The following CWH43 variants were observed in gnomAD, a reference collection of about 807,000 sequenced individuals.
CWH43 encodes the protein PGAP2-interacting protein.
Under a neutral mutation model 85.7 loss-of-function variants are expected in CWH43, and 91 were observed. That is an observed-to-expected ratio of 1.06 (90% CI 0.90 to 1.26). The LOEUF (loss-of-function observed/expected upper bound fraction) is 1.26. Among genes scored for constraint, CWH43 ranks in the 50% most tolerant of loss-of-function variants. CWH43 has a pLI of 0.00. For synonymous variants in CWH43, 323 were observed against 293.6 expected (o/e 1.10, Z -1.02); for missense variants, 869 against 839.2 (o/e 1.04, Z -0.44).
chr4:49,056,004 C>T (rs549598352), intron 15 of CWH43, among the ~76,000 whole-genome samples: 3,173 of 146,588 alleles, frequency 0.022, 59 homozygotes, highest in Non-Finnish European at 0.031. Context: ...CATGCTGGTG[C>T]GCTGCACCCA....
rs1553916937 is a variant in CWH43 at position 49,039,320 on chromosome 4, T to TATATATATACTG, written c.1803+1149_1803+1150insCTGATATATATA. Among the ~76,000 whole-genome samples the TATATATATACTG allele has an allele frequency of 1.1e-3, 33 of 30,236 alleles. 9 individuals carry two copies. In the South Asian group the frequency reaches 0.017, roughly 15 times the overall value. 19.8% of individuals were successfully genotyped at this position (30,236 alleles called of 152,430 possible). A position where few individuals can be genotyped will look rare whatever the true frequency, so the allele number is the denominator to read the frequency against. ...CTCAGGAGACTGATATATATATATA[T>TATATATATACTG]ATATATATATATACTGATGTATATA... is the stretch of plus-strand genomic sequence containing the variant. On this transcript the variant is annotated intron_variant, in intron 13 of 15. Transcript: ENST00000226432.
chr4:48,986,775 C>T, intron 1 of CWH43: 4 of 1,238,814 alleles, frequency 3.2e-6, no homozygotes, highest in Non-Finnish European at 4.1e-6. Context: ...GGCCTTGACC[C>T]CGCGCGGCCG....
rs866271141 is a variant in CWH43 at position 49,039,308 on chromosome 4, T to G, written c.1803+1128T>G. On this transcript the variant is annotated intron_variant, in intron 13 of 15. Transcript: ENST00000226432. ...ACAAATCAAATTCTCAGGAGACTGA[T>G]ATATATATATATATATATATATATA... 8.6e-4 allele frequency among the ~76,000 whole-genome samples: 21 copies of G among 24,344 alleles called. 1 individual carries two copies. The highest frequency in any genetic ancestry group is 1.6e-3 in the African/African-American group (19 of 11,648). 16.0% of individuals were successfully genotyped at this position (24,344 alleles called of 152,430 possible). A position where few individuals can be genotyped will look rare whatever the true frequency, so the allele number is the denominator to read the frequency against.
Position 48,986,700 on chromosome 4 carries a change from C to A in CWH43, c.43+228C>A, listed in dbSNP as rs1433253496. ...GAGTCTGCGAGGCGCCCGCGAGAGA[C>A]CCCGTCGCCCGAGTTCCCAGCAGCC... On this transcript the variant is annotated intron_variant, in intron 1 of 15. Transcript: ENST00000226432. 15 of 1,352,696 alleles carry A rather than the reference C, an allele frequency of 1.1e-5. No homozygotes were observed. The South Asian group carries it at 1.6e-4, about 15-fold the overall frequency. The allele number at this position is 1,352,696 out of a possible 1,614,324, so 83.8% of individuals were successfully genotyped here.
chr4:48,998,561 T>A lies in CWH43; in HGVS notation c.802+13T>A. On this transcript the variant is annotated intron_variant, in intron 6 of 15. Coordinates refer to ENST00000226432, the MANE Select transcript of CWH43 (RefSeq NM_025087.3). ...TGGTGGGTTACAGGTATGTGGAATT[T>A]ACCTGCAGATAGAACACGACTGAGC... is the stretch of plus-strand genomic sequence containing the variant. 6.3e-7 allele frequency: 1 copy of A among 1,580,624 alleles called. No individual in the cohort carries two copies. The highest frequency in any genetic ancestry group is 8.7e-7 in the Non-Finnish European group (1 of 1,149,514).
chr4:48,988,387 G>A (rs1782554712), intron 1 of CWH43, 90 bp from the exon 2 acceptor site: 2 of 995,320 alleles, frequency 2.0e-6, no homozygotes, highest in Non-Finnish European at 2.9e-6. Flanking sequence ...AGAATGACCA[G>A]CCCAAGCGGC....
At chr4:49,040,842 G>T (rs1219960687) in intron 13 of CWH43, among the ~76,000 whole-genome samples, 1 of 152,162 alleles carries the variant, frequency 6.6e-6, no homozygotes, top group Non-Finnish European at 1.5e-5. Context: ...GAATGGTATT[G>T]CCTAGGTTTT....
In CWH43 at chr4:48,998,482, G is replaced by A. The variant is rs745639219; in HGVS notation, c.736G>A (p.Ala246Thr). 6.2e-7 allele frequency: 1 copy of A among 1,613,734 alleles called. No individual in the cohort carries two copies. The highest frequency in any genetic ancestry group is 8.5e-7 in the Non-Finnish European group (1 of 1,179,810). Residue 246 changes from alanine to threonine, a missense_variant, in exon 6 of 16, where the codon GCA (alanine) becomes ACA (threonine). This residue lies in a region of CWH43 where 152 missense variants were observed against 203.6 expected (regional missense o/e 0.75). Coordinates refer to ENST00000226432, the MANE Select transcript of CWH43 (RefSeq NM_025087.3). ...CAGAGGTGCAGTACTGCTGTGCTTG[G>A]CAAGTGGATTGATGCTTCCATCTTG... The part of the protein sequence containing the change: ...PFGGAVLLCL[A>T]SGLMLPSCLW...
chr4:49,039,255 A>G (rs1246292809), intron 13 of CWH43, among the ~76,000 whole-genome samples: 9 of 125,336 alleles, frequency 7.2e-5, no homozygotes, highest in Non-Finnish European at 1.3e-4. Context: ...GTGTACCAGA[A>G]TATAATCATG....
intron 14 of CWH43, among the ~76,000 whole-genome samples, chr4:49,048,756 T>TATGTCTC (rs1469347386): frequency 6.6e-6 from 1 of 152,138 alleles, no homozygotes; most frequent in African/African-American, 2.4e-5. Context: ...CCTTAGAAGA[T>TATGTCTC]ATGTCTCCAA....
intron 10 of CWH43, among the ~76,000 whole-genome samples, chr4:49,029,316 A>C (rs1240483216): frequency 1.3e-5 from 2 of 152,190 alleles, no homozygotes; most frequent in African/African-American, 2.4e-5. Context: ...CCTTGTTAAC[A>C]ATATGTTTAC....
At chr4:49,050,533 G>T (rs1201596483) in intron 14 of CWH43, among the ~76,000 whole-genome samples, 161 bp from the exon 15 acceptor site, 4 of 152,108 alleles carry the variant, frequency 2.6e-5, no homozygotes, top group Non-Finnish European at 4.4e-5. Context: ...GCAATATTTT[G>T]CCAATATTTA....
rs750232084 is a variant in CWH43 at position 49,061,822 on chromosome 4, T to C, written c.2032T>C (p.Tyr678His). Residue 678 changes from tyrosine (Y) to histidine (H), a missense_variant, in exon 16 of 16, where the codon TAC becomes CAC. Coordinates refer to ENST00000226432, the MANE Select transcript of CWH43 (RefSeq NM_025087.3). ...KIHFNPRFGSYKEGHNYENNH... is the reference protein window; with the variant it reads ...KIHFNPRFGSHKEGHNYENNH... Reference sequence around the variant, plus strand: ...TTTTTATTTTTTTAGATTTGGATCCTACAAAGAAGGACACAATTATGAAAA... The same window carrying C: ...TTTTTATTTTTTTAGATTTGGATCCCACAAAGAAGGACACAATTATGAAAA... 1 of 1,382,698 alleles carries C rather than the reference T, an allele frequency of 7.2e-7. No individual in the cohort carries two copies. Among genetic ancestry groups the C allele is most frequent in the Admixed American group, 2.9e-5 (1 of 33,954 alleles). The allele number at this position is 1,382,698 out of a possible 1,614,324, so 85.7% of individuals were successfully genotyped here. A position where few individuals can be genotyped will look rare whatever the true frequency, so the allele number is the denominator to read the frequency against.
At chr4:49,058,433 C>G (rs1785035989) in intron 15 of CWH43, among the ~76,000 whole-genome samples, 2 of 152,178 alleles carry the variant, frequency 1.3e-5, no homozygotes, top group Non-Finnish European at 1.5e-5. Flanking sequence ...TACCCATTAA[C>G]AAATTTTTGT....
chr4:49,044,813 T>C lies in CWH43; in HGVS notation c.1831T>C (p.Trp611Arg), dbSNP rs760061713. The C allele has an allele frequency of 6.2e-7, 1 of 1,613,330 alleles. No homozygotes were observed. Among genetic ancestry groups the C allele is most frequent in the South Asian group, 1.1e-5 (1 of 91,028 alleles). The change falls in exon 14 of 16, where the codon TGG becomes CGG. Residue 611 changes from tryptophan (W) to arginine (R), a missense_variant. Transcript: ENST00000226432. ...KDIDSTDHDR[W>R]CEYIMYRGLI... ...TATCGACAGCACTGATCATGACAGATGGTGTGAATACATTATGTATCGAGG... is the reference window on the plus strand; with the variant it reads ...TATCGACAGCACTGATCATGACAGACGGTGTGAATACATTATGTATCGAGG...
chr4:49,026,677 G>A (rs376264184), intron 9 of CWH43, among the ~76,000 whole-genome samples: 1 of 152,092 alleles, frequency 6.6e-6, no homozygotes, highest in East Asian at 1.9e-4. Context: ...TAGAATAACG[G>A]CATTCAGACC....
At chr4:49,052,336 TC>T (rs1784826543) in intron 15 of CWH43, among the ~76,000 whole-genome samples, 1 of 152,166 alleles carries the variant, frequency 6.6e-6, no homozygotes, top group African/African-American at 2.4e-5. Context: ...TCTCTGAGCC[TC>T]AAGTGCCTCA....
At chr4:49,043,919 A>G (rs1784544301) in intron 13 of CWH43, among the ~76,000 whole-genome samples, 1 of 152,078 alleles carries the variant, frequency 6.6e-6, no homozygotes, top group East Asian at 1.9e-4. Context: ...ATAAAGATTA[A>G]TAGACATCCA....
intron 3 of CWH43, 78 bp downstream of exon 3, chr4:48,991,652 C>T (rs1782663033): frequency 2.6e-6 from 4 of 1,527,968 alleles, no homozygotes; most frequent in Non-Finnish European, 2.7e-6. Flanking sequence ...CCAGGAGTTC[C>T]AGGTTATAGT....
Sources: gnomAD v4.1 joint callset for allele counts (sites outside exome capture counted in the v4.1 genomes callset) on GRCh38, gnomAD v4.1.1 for gene constraint, gnomAD v4.1.1 regional missense constraint, MANE v1.5 for transcripts, NCBI Gene and HGNC (gene_info 2026-07-23, HGNC 2026-07-21) for gene names.